Variants in CFAP20DC observed in about 807,000 individuals in gnomAD.
CFAP20DC encodes protein CFAP20DC.
CFAP20DC carries 84 observed loss-of-function variants against 101.7 expected under a neutral mutation model. The ratio of observed to expected loss-of-function variants is 0.83; its 90% CI spans 0.69 to 0.99. The LOEUF (loss-of-function observed/expected upper bound fraction) is 0.99. CFAP20DC is among the 50% of genes least tolerant of loss of function. CFAP20DC has a pLI of 0.00. For synonymous variants in CFAP20DC, 359 were observed against 351.2 expected (o/e 1.02, Z -0.25); for missense variants, 1,007 against 970.3 (o/e 1.04, Z -0.50).
At chr3:58,824,449 T>C (rs528425803) in intron 14 of CFAP20DC, 2 of 152,148 alleles carry the variant, frequency 1.3e-5, no homozygotes, top group Non-Finnish European at 2.9e-5. Flanking sequence ...TCATATATAA[T>C]TAACTACCAC....
Position 58,870,327 on chromosome 3 carries a change from G to A in CFAP20DC, c.716-18C>T, listed in dbSNP as rs1435772250. On this transcript the variant is annotated intron_variant, in intron 7 of 16. Transcript: ENST00000482387. ...GAACTGATCTGTTTTGTTAAAGGAA[G>A]GTAATAATAGTCCATTAATGGGTGT... The A allele has an allele frequency of 9.9e-6, 16 of 1,609,298 alleles. No individual in the cohort carries two copies. The highest frequency in any genetic ancestry group is 1.3e-5 in the African/African-American group (1 of 74,848).
chr3:58,722,251 C>A lies in CFAP20DC; in HGVS notation c.198-4623G>T, dbSNP rs541556859. 6.6e-6 allele frequency among the ~76,000 whole-genome samples: 1 copy of A among 152,246 alleles called. No homozygotes were observed. The highest frequency in any genetic ancestry group is 2.1e-4 in the South Asian group (1 of 4,818). On this transcript the variant is annotated intron_variant, in intron 3 of 3. Coordinates refer to the CFAP20DC transcript ENST00000486145. This position sits in a 1 kb window ranked among gnomAD's most constrained non-coding sequence, Gnocchi z 4.5. ...TTCCAGCCACCAAGTGTTCAGTCAC[C>A]CCCACCCCTTTGAGCCTTTCCAGCT...
rs1169906066 is a variant in CFAP20DC, at chr3:58,795,758, G to C, written c.2237+10637C>G. ...ATCTATTGTTCTGAAACTCCTAGGG[G>C]AATGGGTTTCATAAGTTTATAATTT... On this transcript the variant is annotated intron_variant, in intron 15 of 16. Transcript: ENST00000482387. This position sits in a 1 kb window ranked among gnomAD's most constrained non-coding sequence, Gnocchi z 4.2. Among the ~76,000 whole-genome samples, 1 of 152,212 alleles carries C rather than the reference G, an allele frequency of 6.6e-6. No individual in the cohort carries two copies. Among genetic ancestry groups the C allele is most frequent in the Non-Finnish European group, 1.5e-5 (1 of 68,038 alleles).
chr3:58,871,208 A>G (rs974343894), intron 7 of CFAP20DC, among the ~76,000 whole-genome samples: 2 of 152,176 alleles, frequency 1.3e-5, no homozygotes, highest in Admixed American at 1.3e-4. Flanking sequence ...TGCCCTAGGC[A>G]GAAGAAAGTA....
Position 59,001,602 on chromosome 3 carries a change from G to A in CFAP20DC, c.278+37955C>T, listed in dbSNP as rs1255120608. 6.6e-6 allele frequency among the ~76,000 whole-genome samples: 1 copy of A among 152,152 alleles called. No homozygotes were observed. The highest frequency in any genetic ancestry group is 1.5e-5 in the Non-Finnish European group (1 of 68,026). On this transcript the variant is annotated intron_variant, in intron 4 of 16. Transcript: ENST00000482387. The surrounding 1 kb of genome is among the most constrained non-coding windows in gnomAD (Gnocchi z 4.5). ...AATTTTGTATTTTTAGTAGAGATGG[G>A]GTTTCTCCATGTTGGTCAGGTTGGT...
At chr3:58,743,215 G>T (rs1485434882) in intron 16 of CFAP20DC, among the ~76,000 whole-genome samples, 1 of 151,208 alleles carries the variant, frequency 6.6e-6, no homozygotes, top group Admixed American at 6.6e-5. Context: ...GGACAGAGAG[G>T]ACAACTGTCT....
At chr3:58,995,619 G>C (rs181454887) in intron 4 of CFAP20DC, among the ~76,000 whole-genome samples, 1 of 152,056 alleles carries the variant, frequency 6.6e-6, no homozygotes, top group African/African-American at 2.4e-5. Context: ...CATTATTTTG[G>C]GTGTATCTGT....
intron 4 of CFAP20DC, among the ~76,000 whole-genome samples, chr3:58,946,689 G>C (rs755061649): frequency 2.6e-5 from 4 of 152,132 alleles, no homozygotes; most frequent in Admixed American, 6.5e-5. Flanking sequence ...TAGCACCCGA[G>C]ACTCCAGGAG....
intron 10 of CFAP20DC, among the ~76,000 whole-genome samples, chr3:58,867,276 T>C (rs1278183979): frequency 6.6e-6 from 1 of 152,218 alleles, no homozygotes; most frequent in African/African-American, 2.4e-5. Context: ...TATACTAATC[T>C]ACATATACAT....
In CFAP20DC at chr3:59,049,912, G is replaced by C. The variant is rs1180382762; in HGVS notation, c.-281C>G. On this transcript the variant is annotated 5_prime_UTR_variant, in exon 1 of 17. Transcript: ENST00000482387. ...GGACGGACTCCGGGCCGTCCCTGGGGAGTGATTGTGTGTGTAACCTACGTG... is the reference window on the plus strand; with the variant it reads ...GGACGGACTCCGGGCCGTCCCTGGGCAGTGATTGTGTGTGTAACCTACGTG... 1 of 513,984 alleles carries C rather than the reference G, an allele frequency of 1.9e-6. No homozygotes were observed. The highest frequency in any genetic ancestry group is 3.5e-6 in the Non-Finnish European group (1 of 289,458). The allele number at this position is 513,984 out of a possible 1,614,324, so 31.8% of individuals were successfully genotyped here.
At chr3:58,870,894 CAAAAAAAAA>C (rs548763648) in intron 7 of CFAP20DC, among the ~76,000 whole-genome samples, 19 of 18,940 alleles carry the variant, frequency 1.0e-3, no homozygotes, top group East Asian at 1.5e-3. Flanking sequence ...GACTCCGTCT[CAAAAAAAAA>C]AAAAAAAAAA....
In CFAP20DC at chr3:58,810,898, T is replaced by G. The variant is rs575732094; in HGVS notation, c.2176-4442A>C. Among the ~76,000 whole-genome samples the G allele has an allele frequency of 4.6e-3, 704 of 151,876 alleles. 6 individuals carry two copies. The highest frequency in any genetic ancestry group is 6.9e-3 in the Non-Finnish European group (466 of 68,010). On this transcript the variant is annotated intron_variant, in intron 14 of 16. Coordinates refer to ENST00000482387, the MANE Select transcript of CFAP20DC (RefSeq NM_001394063.1). ...AATGTACAAAAATCACAAGCATTCT[T>G]ATACACCAATAACAGGCAAACAGAG...
chr3:59,047,083 A>T (rs949989424), intron 2 of CFAP20DC, 82 bp downstream of exon 2: 1 of 912,152 alleles, frequency 1.1e-6, no homozygotes, highest in African/African-American at 1.7e-5. Flanking sequence ...AACAGCTCTG[A>T]AATTTGATCA....
intron 15 of CFAP20DC, among the ~76,000 whole-genome samples, chr3:58,764,426 C>A (rs2070057655): frequency 6.6e-6 from 1 of 152,136 alleles, no homozygotes; most frequent in Non-Finnish European, 1.5e-5. Context: ...CTTCCAGGTG[C>A]CATCTGTCAC....
chr3:58,936,692 C>T (rs1437909860), intron 5 of CFAP20DC, among the ~76,000 whole-genome samples: 1 of 152,150 alleles, frequency 6.6e-6, no homozygotes, highest in African/African-American at 2.4e-5. Flanking sequence ...CCAAACACCG[C>T]ATGTTCTCCC....
At chr3:58,943,821 C>A (rs1351949002) in intron 4 of CFAP20DC, among the ~76,000 whole-genome samples, 1 of 151,828 alleles carries the variant, frequency 6.6e-6, no homozygotes, top group Non-Finnish European at 1.5e-5. Flanking sequence ...TAGCTAAGAA[C>A]CTTAAAAATA....
At chr3:58,823,698 G>C (rs989631698) in intron 14 of CFAP20DC, among the ~76,000 whole-genome samples, 1 of 152,064 alleles carries the variant, frequency 6.6e-6, no homozygotes, top group Non-Finnish European at 1.5e-5. Flanking sequence ...ATTCCAGCTC[G>C]AGAGTGCATC....
intron 4 of CFAP20DC, among the ~76,000 whole-genome samples, chr3:58,947,367 G>A (rs1407091969): frequency 6.6e-6 from 1 of 152,206 alleles, no homozygotes; most frequent in Non-Finnish European, 1.5e-5. Flanking sequence ...AGGACTGCTT[G>A]TAGTCAACAA....
intron 5 of CFAP20DC, among the ~76,000 whole-genome samples, chr3:58,922,210 G>A (rs112441309): frequency 3.3e-5 from 5 of 152,222 alleles, no homozygotes; most frequent in African/African-American, 1.2e-4. Context: ...ACTTTGATAC[G>A]TTTGAGTTGA....
Sources: allele counts gnomAD v4.1 joint callset (sites outside exome capture counted in the v4.1 genomes callset), GRCh38; gene constraint gnomAD v4.1.1; non-coding constraint Gnocchi (gnomAD v3.1); transcripts MANE v1.5; gene names NCBI Gene and HGNC (gene_info 2026-07-23, HGNC 2026-07-21).